PGAP1: variants seen among roughly 807,000 people sequenced by gnomAD.
PGAP1 encodes the protein GPI inositol-deacylase.
In PGAP1, 76 loss-of-function variants were observed where a neutral mutation model predicts 127.0. The observed-to-expected ratio is 0.60, with a 90% CI of 0.50 to 0.72. The LOEUF (loss-of-function observed/expected upper bound fraction) is 0.72. Among genes scored for constraint, PGAP1 ranks in the 30% least tolerant of loss-of-function variants. The pLI, the probability that PGAP1 is intolerant of heterozygous loss-of-function variation, is 0.00. For synonymous variants in PGAP1, 362 were observed against 366.5 expected (o/e 0.99, Z 0.14); for missense variants, 982 against 1,071.3 (o/e 0.92, Z 1.16).
intron 7 of PGAP1, 136 bp from the exon 8 acceptor site, chr2:196,893,381 A>T (rs1347327750): frequency 5.0e-6 from 2 of 398,420 alleles, no homozygotes; most frequent in Non-Finnish European, 9.0e-6. Context: ...CTGTACATAA[A>T]CTCACTCAAT....
chr2:196,898,217 CAAAAA>C, intron 6 of PGAP1, 95 bp downstream of exon 6: 2 of 642,114 alleles, frequency 3.1e-6, no homozygotes, highest in Non-Finnish European at 5.0e-6. Flanking sequence ...GACTCTGTCT[CAAAAA>C]AAAAAAAAAG....
intron 19 of PGAP1, among the ~76,000 whole-genome samples, chr2:196,867,069 GT>G (rs1701267033): frequency 6.6e-6 from 1 of 152,164 alleles, no homozygotes; most frequent in African/African-American, 2.4e-5. Flanking sequence ...GTGGAAGACA[GT>G]GTGGCAATTC....
chr2:196,922,910 G>A (rs1703248777), intron 1 of PGAP1, among the ~76,000 whole-genome samples: 1 of 151,550 alleles, frequency 6.6e-6, no homozygotes, highest in Non-Finnish European at 1.5e-5. Flanking sequence ...GGCTGGTCTT[G>A]AACTCCTGGG....
chr2:196,898,273 A>G, intron 6 of PGAP1, 44 bp downstream of exon 6: 2 of 1,323,904 alleles, frequency 1.5e-6, no homozygotes, highest in South Asian at 1.3e-5. Context: ...GAGAAAGAGG[A>G]CCATGACAAC....
intron 13 of PGAP1, among the ~76,000 whole-genome samples, chr2:196,879,548 A>C (rs1701667177): frequency 6.6e-6 from 1 of 152,182 alleles, no homozygotes; most frequent in Non-Finnish European, 1.5e-5. Context: ...TACAACAATT[A>C]GCTCGGTGTG....
intron 20 of PGAP1, among the ~76,000 whole-genome samples, chr2:196,856,896 TTTTC>T (rs1210683277): frequency 2.0e-5 from 3 of 152,216 alleles, no homozygotes; most frequent in Non-Finnish European, 4.4e-5. Context: ...TAAACTTTGT[TTTTC>T]TTTGTGTCTT....
chr2:196,875,886 T>G, intron 13 of PGAP1, 65 bp from the exon 14 acceptor site: 5 of 813,156 alleles, frequency 6.1e-6, no homozygotes, highest in Non-Finnish European at 1.0e-5. Context: ...TATCTTTACT[T>G]GATGTTTGAG....
In PGAP1 at chr2:196,847,075, G is replaced by A; in HGVS notation, c.2078C>T (p.Thr693Ile). ...AGACAGTAGGCCACTCCAGTAGGCA[G>A]TACACGTTCCAAACAGAAAGAGAAT... ...SLILFLFGTC[T>I]AYWSGLLSSA... Residue 693 changes from threonine (T) to isoleucine (I), a missense_variant, in exon 22 of 27, where the codon ACT (threonine) becomes ATT (isoleucine). Physicochemically the swap from Thr to Ile is moderately conservative, Grantham distance 89. Coordinates refer to ENST00000354764, the MANE Select transcript of PGAP1 (RefSeq NM_024989.4). 6.2e-7 allele frequency: 1 copy of A among 1,613,756 alleles called. No individual in the cohort carries two copies. Among genetic ancestry groups the A allele is most frequent in the Non-Finnish European group, 8.5e-7 (1 of 1,179,784 alleles).
intron 13 of PGAP1, among the ~76,000 whole-genome samples, chr2:196,878,515 A>G (rs1258291076): frequency 6.6e-6 from 1 of 152,078 alleles, no homozygotes; most frequent in Non-Finnish European, 1.5e-5. Context: ...TAGAGTTTGG[A>G]TTTTTGGATT....
intron 13 of PGAP1, among the ~76,000 whole-genome samples, chr2:196,879,179 T>C (rs1157950837): frequency 6.6e-6 from 1 of 152,190 alleles, no homozygotes; most frequent in African/African-American, 2.4e-5. Flanking sequence ...GTTCAAATGA[T>C]TCTCCTGCTT....
At chr2:196,884,086 T>C (rs1325017076) in intron 12 of PGAP1, among the ~76,000 whole-genome samples, 4 of 152,212 alleles carry the variant, frequency 2.6e-5, no homozygotes, top group Non-Finnish European at 5.9e-5. Context: ...ATAAAAATTT[T>C]ATGATTTAAG....
chr2:196,901,105 G>A (rs1702474593), intron 5 of PGAP1, among the ~76,000 whole-genome samples: 1 of 152,216 alleles, frequency 6.6e-6, no homozygotes, highest in African/African-American at 2.4e-5. Context: ...CAGGAAATAA[G>A]TTACATCAAA....
At chr2:196,851,876 T>C (rs1700731341) in intron 20 of PGAP1, among the ~76,000 whole-genome samples, 1 of 152,224 alleles carries the variant, frequency 6.6e-6, no homozygotes, top group South Asian at 2.1e-4. Flanking sequence ...AATGTCTTTG[T>C]GGTTTGAGGA....
chr2:196,846,670 C>A (rs1700564714), intron 22 of PGAP1, among the ~76,000 whole-genome samples: 1 of 152,260 alleles, frequency 6.6e-6, no homozygotes, highest in South Asian at 2.1e-4. Flanking sequence ...CCCCTGGTTT[C>A]AATATAGAAG....
At chr2:196,884,391 T>A (rs1701829505) in intron 12 of PGAP1, among the ~76,000 whole-genome samples, 1 of 152,184 alleles carries the variant, frequency 6.6e-6, no homozygotes, top group Non-Finnish European at 1.5e-5. Context: ...AAGAGTCAAT[T>A]TACTTTCCTA....
At chr2:196,899,588 G>A (rs1276945340) in intron 5 of PGAP1, among the ~76,000 whole-genome samples, 1 of 152,176 alleles carries the variant, frequency 6.6e-6, no homozygotes, top group Non-Finnish European at 1.5e-5. Context: ...TTTAATTAAT[G>A]CATGTGTGCT....
chr2:196,851,903 A>C (rs1700731995), intron 20 of PGAP1, among the ~76,000 whole-genome samples: 1 of 152,108 alleles, frequency 6.6e-6, no homozygotes, highest in South Asian at 2.1e-4. Context: ...TTTCTACGGA[A>C]TTTACATTCT....
In PGAP1 at chr2:196,890,870, A is replaced by G. The variant is rs1437687663; in HGVS notation, c.1131T>C (p.His377=). 1.3e-6 allele frequency: 2 copies of G among 1,547,826 alleles called. No homozygotes were observed. The highest frequency in any genetic ancestry group is 2.3e-5 in the East Asian group (1 of 44,328). Residue 377 remains histidine (H), a synonymous_variant, in exon 10 of 27, where the codon CAT becomes CAC. Transcript: ENST00000354764. The stretch of plus-strand genomic sequence containing the variant: ...AATAGACATGAGTGTAGATTTTTCT[A>G]TGATTTTCAAGAGGAAATGTAAAAT... ...KIYFTFPLEN[H]RKIYTHVYCQ...
intron 2 of PGAP1, among the ~76,000 whole-genome samples, chr2:196,917,539 C>T (rs1254385793): frequency 6.6e-6 from 1 of 152,158 alleles, no homozygotes; most frequent in Non-Finnish European, 1.5e-5. Context: ...GGCCTAGCAA[C>T]CACTGATCTA....
Sources: allele counts gnomAD v4.1 joint callset (sites outside exome capture counted in the v4.1 genomes callset), GRCh38; gene constraint gnomAD v4.1.1; transcripts MANE v1.5; gene names NCBI Gene and HGNC (gene_info 2026-07-23, HGNC 2026-07-21).